MAF: variants seen among roughly 807,000 people sequenced by gnomAD.
MAF encodes MAF bZIP transcription factor, also known as transcription factor Maf.
In MAF, 10 loss-of-function variants were observed where a neutral mutation model predicts 22.0. The ratio of observed to expected loss-of-function variants is 0.45; its 90% CI spans 0.28 to 0.77. MAF has a LOEUF of 0.77. Ranked by LOEUF, MAF falls within the 30% of genes least tolerant of loss-of-function variation. The pLI, the probability that MAF is intolerant of heterozygous loss-of-function variation, is 0.12. For synonymous variants in MAF, 337 were observed against 255.8 expected (o/e 1.32, Z -3.03); for missense variants, 544 against 548.4 (o/e 0.99, Z 0.08).
At chr16:79,593,355 G>A (rs1913297540), downstream of MAF, among the ~76,000 whole-genome samples, 1 of 152,172 alleles carries the variant, frequency 6.6e-6, no homozygotes, top group Non-Finnish European at 1.5e-5. Context: ...CGAGACAGCT[G>A]TGTGCCATGT....
the MAF span, among the ~76,000 whole-genome samples, chr16:79,380,379 G>C: frequency 7.1e-4 from 108 of 152,288 alleles, 1 homozygote; most frequent in African/African-American, 2.5e-3. Context: ...AATAGTAGTA[G>C]CATGTGCTGA....
the MAF span, among the ~76,000 whole-genome samples, chr16:79,566,075 C>T: frequency 1.2e-4 from 18 of 152,276 alleles, no homozygotes; most frequent in Middle Eastern, 3.4e-3. Context: ...AACAAACAAA[C>T]GCAACCAAAC....
At chr16:79,376,634 G>T in the MAF span, among the ~76,000 whole-genome samples, 10 of 151,834 alleles carry the variant, frequency 6.6e-5, no homozygotes, top group African/African-American at 2.4e-4. Context: ...CCATTAACTC[G>T]TCATTTAGCA....
chr16:79,556,676 T>G, the MAF span, among the ~76,000 whole-genome samples: 2 of 152,206 alleles, frequency 1.3e-5, no homozygotes, highest in Non-Finnish European at 2.9e-5. Flanking sequence ...TTCTTCATCT[T>G]AAATCAAACA....
chr16:79,600,712 G>T lies in MAF; in HGVS notation c.-810C>A, dbSNP rs1270355514. 4 of 194,946 alleles carry T rather than the reference G, an allele frequency of 2.1e-5. No individual in the cohort carries two copies. The highest frequency in any genetic ancestry group is 4.7e-5 in the Non-Finnish European group (4 of 84,344). 12.1% of individuals were successfully genotyped at this position (194,946 alleles called of 1,614,324 possible). ...GAGCTACAGCTAGAAGATGAAAAAA[G>T]ATTTTAAAGCCTCTGATCCAGCAAG... On this transcript the variant is annotated 5_prime_UTR_variant, in exon 1 of 2. Transcript: ENST00000326043.
chr16:79,471,575 G>A, the MAF span, among the ~76,000 whole-genome samples: 1 of 152,178 alleles, frequency 6.6e-6, no homozygotes, highest in Non-Finnish European at 1.5e-5. Context: ...TGCTAGGGCG[G>A]CTGAGGTAGG....
the MAF span, among the ~76,000 whole-genome samples, chr16:79,469,743 C>T: frequency 1.3e-5 from 2 of 152,008 alleles, no homozygotes; most frequent in African/African-American, 2.4e-5. Context: ...ATTACAGGTG[C>T]CCGCCACCTT....
chr16:79,457,752 G>A, the MAF span, among the ~76,000 whole-genome samples: 2 of 152,082 alleles, frequency 1.3e-5, no homozygotes, highest in African/African-American at 4.8e-5. Flanking sequence ...ATATTTTGTG[G>A]TGGGGCAGGC....
At chr16:79,502,720 T>TATATATATATAC in the MAF span, among the ~76,000 whole-genome samples, 1 of 23,582 alleles carries the variant, frequency 4.2e-5, no homozygotes, top group Non-Finnish European at 8.7e-5. Flanking sequence ...TATATATATA[T>TATATATATATAC]ATATATATAT....
the MAF span, among the ~76,000 whole-genome samples, chr16:79,330,051 C>A: frequency 6.6e-6 from 1 of 152,096 alleles, no homozygotes; most frequent in Admixed American, 6.6e-5. Flanking sequence ...AATTTCAACG[C>A]ACCATTTTTT....
chr16:79,345,600 C>T, the MAF span, among the ~76,000 whole-genome samples: 1 of 151,636 alleles, frequency 6.6e-6, no homozygotes, highest in Non-Finnish European at 1.5e-5. Context: ...TGGTGGTGGG[C>T]ACCTGTAATC....
the MAF span, among the ~76,000 whole-genome samples, chr16:79,472,716 A>G: frequency 1.3e-5 from 2 of 152,130 alleles, no homozygotes; most frequent in Non-Finnish European, 2.9e-5. Context: ...GTACAACTCT[A>G]TACATATACA....
chr16:79,442,854 A>T, the MAF span, among the ~76,000 whole-genome samples: 6 of 152,306 alleles, frequency 3.9e-5, 1 homozygote, highest in South Asian at 6.2e-4. Flanking sequence ...CACCCAACAG[A>T]TCTGGGGAAA....
the MAF span, among the ~76,000 whole-genome samples, chr16:79,245,550 G>A: frequency 6.6e-6 from 1 of 151,940 alleles, no homozygotes; most frequent in Non-Finnish European, 1.5e-5. Flanking sequence ...TAAAAAGTCA[G>A]GAAACAACAG....
chr16:79,211,176 A>C, the MAF span, among the ~76,000 whole-genome samples: 1 of 152,116 alleles, frequency 6.6e-6, no homozygotes, highest in Non-Finnish European at 1.5e-5. Flanking sequence ...ACCACAATTA[A>C]GAGTGGTTGG....
chr16:79,341,738 G>A, the MAF span, among the ~76,000 whole-genome samples: 1 of 152,306 alleles, frequency 6.6e-6, no homozygotes, highest in East Asian at 1.9e-4. Context: ...GGTTGAAGGA[G>A]GAGTGGAAGC....
the MAF span, among the ~76,000 whole-genome samples, chr16:79,535,809 A>G: frequency 0.65 from 97,910 of 151,678 alleles, 32,622 homozygotes; most frequent in Non-Finnish European, 0.74. Flanking sequence ...TTGAACTCCT[A>G]ACCTCCCCGC....
the MAF span, among the ~76,000 whole-genome samples, chr16:79,519,869 G>C: frequency 6.6e-6 from 1 of 152,232 alleles, no homozygotes; most frequent in Non-Finnish European, 1.5e-5. Flanking sequence ...CCTGTTGACT[G>C]CTCGCCCATC....
the MAF span, among the ~76,000 whole-genome samples, chr16:79,335,546 C>T: frequency 6.6e-6 from 1 of 152,094 alleles, no homozygotes. Flanking sequence ...TGTTTCAGTC[C>T]AGCTGGACTT....
Sources: gnomAD v4.1 joint callset for allele counts (sites outside exome capture counted in the v4.1 genomes callset) on GRCh38, gnomAD v4.1.1 for gene constraint, MANE v1.5 for transcripts, NCBI Gene and HGNC (gene_info 2026-07-23, HGNC 2026-07-21) for gene names.